The following DOCK5 variants were observed in gnomAD, a reference collection of about 807,000 sequenced individuals.
The protein encoded by DOCK5 is dedicator of cytokinesis protein 5.
DOCK5 carries 142 observed loss-of-function variants against 251.8 expected under a neutral mutation model. That is an observed-to-expected ratio of 0.56 (90% CI 0.49 to 0.65). The LOEUF (loss-of-function observed/expected upper bound fraction) is 0.65. DOCK5 is among the 30% of genes least tolerant of loss of function. The probability of loss-of-function intolerance (pLI) is 0.00; values close to 1 mark genes in which losing one functional copy is unlikely to be tolerated. For missense variants in DOCK5, 2,111 were observed against 2,312.3 expected, an observed-to-expected ratio of 0.91 and a Z score of 1.79; for synonymous variants, 842 against 835.5, an observed-to-expected ratio of 1.01 and a Z score of -0.13.
chr8:25,298,026 C>T (rs1022289185), intron 7 of DOCK5, among the ~76,000 whole-genome samples: 9 of 149,630 alleles, frequency 6.0e-5, no homozygotes, highest in Admixed American at 6.0e-4. Flanking sequence ...CACTGCACTC[C>T]AGCCTGGGCA....
At chr8:25,368,433 C>A in intron 32 of DOCK5, 138 bp from the exon 33 acceptor site, 1 of 1,110,390 alleles carries the variant, frequency 9.0e-7, no homozygotes, top group Non-Finnish European at 1.3e-6. Context: ...CATCCACATG[C>A]TATCAGAATC....
intron 18 of DOCK5, among the ~76,000 whole-genome samples, chr8:25,329,896 ATGGGGC>A: frequency 6.6e-6 from 1 of 152,204 alleles, no homozygotes. Flanking sequence ...CACAGCAAGC[ATGGGGC>A]TCTTTCTGTA....
chr8:25,260,780 TTTTC>T (rs1299115867), intron 2 of DOCK5, among the ~76,000 whole-genome samples: 3 of 151,646 alleles, frequency 2.0e-5, no homozygotes, highest in Admixed American at 6.6e-5. Flanking sequence ...AGAGAGACAA[TTTTC>T]TTTCTTTCTT....
intron 1 of DOCK5, among the ~76,000 whole-genome samples, chr8:25,192,808 A>G (rs1253481497): frequency 6.6e-6 from 1 of 152,158 alleles, no homozygotes; most frequent in East Asian, 1.9e-4. Context: ...TACCACGCTC[A>G]GCCTATACTA....
chr8:25,378,548 G>A (rs1255903898), intron 38 of DOCK5, among the ~76,000 whole-genome samples: 1 of 152,134 alleles, frequency 6.6e-6, no homozygotes, highest in African/African-American at 2.4e-5. Flanking sequence ...AGCACCTTGT[G>A]AACAGGAATG....
At chr8:25,282,236 T>A (rs1386037181) in intron 5 of DOCK5, among the ~76,000 whole-genome samples, 1 of 152,118 alleles carries the variant, frequency 6.6e-6, no homozygotes, top group East Asian at 1.9e-4. Flanking sequence ...TTCTCTTTTT[T>A]TTTTTTCCTG....
At chr8:25,234,341 C>T (rs1018595672) in intron 1 of DOCK5, among the ~76,000 whole-genome samples, 3 of 152,084 alleles carry the variant, frequency 2.0e-5, no homozygotes, top group Admixed American at 6.6e-5. Context: ...TAGATGTGAC[C>T]GTCTTAATCT....
intron 3 of DOCK5, among the ~76,000 whole-genome samples, chr8:25,269,377 A>G (rs894159120): frequency 6.6e-6 from 1 of 152,376 alleles, no homozygotes; most frequent in Admixed American, 6.5e-5. Context: ...GTGGATTATA[A>G]CCAATTTTTT....
At chr8:25,371,655 T>C (rs1176998198) in intron 34 of DOCK5, among the ~76,000 whole-genome samples, 1 of 152,236 alleles carries the variant, frequency 6.6e-6, no homozygotes, top group African/African-American at 2.4e-5. Flanking sequence ...TCTGATCTTA[T>C]ATGGAATTAA....
chr8:25,382,915 C>T (rs919093460), intron 40 of DOCK5, 137 bp downstream of exon 40: 5 of 681,900 alleles, frequency 7.3e-6, no homozygotes, highest in Non-Finnish European at 1.2e-5. Flanking sequence ...AAACCACTTC[C>T]TGAGCAGCCG....
chr8:25,401,712 C>T (rs1027434176), intron 47 of DOCK5, among the ~76,000 whole-genome samples: 31 of 152,112 alleles, frequency 2.0e-4, no homozygotes, highest in African/African-American at 4.8e-4. Context: ...CCAGCCTGGG[C>T]GACAGAGCGA....
At chr8:25,382,827 A>C (rs1445776918) in intron 40 of DOCK5, 49 bp downstream of exon 40, 16 of 1,477,198 alleles carry the variant, frequency 1.1e-5, no homozygotes, top group African/African-American at 1.4e-5. Flanking sequence ...GAGGGAAGAG[A>C]CTCATTTCTT....
chr8:25,402,066 C>T (rs185409763), intron 47 of DOCK5, among the ~76,000 whole-genome samples: 135 of 152,230 alleles, frequency 8.9e-4, no homozygotes, highest in Non-Finnish European at 1.5e-3. Flanking sequence ...TCTAGCTCTA[C>T]TTATCTGCAT....
chr8:25,268,768 T>G, intron 2 of DOCK5, 77 bp from the exon 3 acceptor site: 123 of 1,227,646 alleles, frequency 1.0e-4, no homozygotes, highest in Middle Eastern at 4.0e-4. Context: ...TAATAGAACA[T>G]GAGAGTATAT....
At chr8:25,257,977 G>T (rs185875100) in intron 2 of DOCK5, among the ~76,000 whole-genome samples, 1 of 152,074 alleles carries the variant, frequency 6.6e-6, no homozygotes, top group African/African-American at 2.4e-5. Context: ...AGGACTAACC[G>T]CTGGCAAGAT....
chr8:25,353,453 CT>C (rs1222844282), intron 27 of DOCK5, among the ~76,000 whole-genome samples: 1 of 152,188 alleles, frequency 6.6e-6, no homozygotes, highest in African/African-American at 2.4e-5. Flanking sequence ...AGTCCTACAT[CT>C]TTTTCTCAAG....
At chr8:25,358,194 C>T (rs929463232) in intron 27 of DOCK5, among the ~76,000 whole-genome samples, 13 of 152,144 alleles carry the variant, frequency 8.5e-5, no homozygotes, top group African/African-American at 2.9e-4. Flanking sequence ...TTAATTGACT[C>T]ACAGTTCAGC....
At chr8:25,254,396 T>C (rs1429856339) in intron 2 of DOCK5, among the ~76,000 whole-genome samples, 2 of 152,188 alleles carry the variant, frequency 1.3e-5, no homozygotes, top group African/African-American at 2.4e-5. Context: ...AACTGGACTT[T>C]ATTAAAATTT....
In DOCK5 at chr8:25,413,767, A is replaced by G. The variant is rs1262136159; in HGVS notation, c.*2469A>G. 6.6e-6 allele frequency: 1 copy of G among 152,220 alleles called. No homozygotes were observed. The highest frequency in any genetic ancestry group is 1.9e-4 in the East Asian group (1 of 5,196). 9.4% of individuals were successfully genotyped at this position (152,220 alleles called of 1,614,324 possible). ...ATTCCCTTTCCACCTTAATGGAAAT[A>G]ATAGCTCTCTCCTGCCTGAACAAAA... On this transcript the variant is annotated 3_prime_UTR_variant, in exon 52 of 52. Coordinates refer to ENST00000276440, the MANE Select transcript of DOCK5 (RefSeq NM_024940.8).
Sources: gnomAD v4.1 joint callset for allele counts (sites outside exome capture counted in the v4.1 genomes callset) on GRCh38, gnomAD v4.1.1 for gene constraint, MANE v1.5 for transcripts, NCBI Gene and HGNC (gene_info 2026-07-23, HGNC 2026-07-21) for gene names.